The following FLT1 variants were observed in gnomAD, a reference collection of about 807,000 sequenced individuals.
FLT1 encodes the protein vascular endothelial growth factor receptor 1.
A neutral mutation model predicts 156.3 loss-of-function variants in FLT1; 49 were observed. The ratio of observed to expected loss-of-function variants is 0.31; its 90% confidence interval spans 0.25 to 0.40. The LOEUF (loss-of-function observed/expected upper bound fraction) is 0.40, where lower values mean the gene tolerates loss of function less well. FLT1 is among the 10% of genes least tolerant of loss of function. FLT1 has a pLI of 1.00. For missense variants in FLT1, 1,322 were observed against 1,637.2 expected (o/e 0.81, Z 3.32); for synonymous variants, 594 against 583.8 (o/e 1.02, Z -0.25).
At chr13:28,370,515 G>T (rs1873513475) in intron 14 of FLT1, among the ~76,000 whole-genome samples, 2 of 152,180 alleles carry the variant, frequency 1.3e-5, no homozygotes, top group African/African-American at 4.8e-5. Flanking sequence ...GCCTTGAAGA[G>T]GCTATAGTTA....
At chr13:28,414,707 G>A (rs1286197617) in intron 10 of FLT1, among the ~76,000 whole-genome samples, 3 of 152,170 alleles carry the variant, frequency 2.0e-5, no homozygotes, top group Admixed American at 1.3e-4. Flanking sequence ...GGGAAACAGT[G>A]GGTGAGCAAC....
intron 10 of FLT1, among the ~76,000 whole-genome samples, chr13:28,417,360 T>C (rs1417612805): frequency 6.6e-6 from 1 of 151,668 alleles, no homozygotes; most frequent in Non-Finnish European, 1.5e-5. Flanking sequence ...TCCATTTAAC[T>C]TTCCAAGATC....
chr13:28,393,618 G>A (rs556295258), intron 12 of FLT1, among the ~76,000 whole-genome samples: 32 of 152,200 alleles, frequency 2.1e-4, no homozygotes, highest in Non-Finnish European at 3.4e-4. Flanking sequence ...GCAGGCTCTC[G>A]CTCTGACACT....
chr13:28,329,944 G>A (rs1304704539), intron 18 of FLT1, among the ~76,000 whole-genome samples: 2 of 152,172 alleles, frequency 1.3e-5, no homozygotes, highest in East Asian at 3.8e-4. Context: ...GCACAGTAGT[G>A]GGGTTAGTCA....
rs758330992 is a variant in FLT1 at position 28,311,986 on chromosome 13, G to A, written c.3492+7C>T. 4 of 1,584,218 alleles carry A rather than the reference G, an allele frequency of 2.5e-6. No individual in the cohort carries two copies. The South Asian group carries it at 3.3e-5, about 13-fold the overall frequency. ...AGGCATTTTGATGTAAATAAATTTA[G>A]TTTTACCTGTTGTACATTTGCTTGA... On this transcript the variant is annotated splice_region_variant and intron_variant, in intron 26 of 29. Transcript: ENST00000282397.
At chr13:28,363,519 A>C (rs1210476343) in intron 14 of FLT1, among the ~76,000 whole-genome samples, 1 of 152,178 alleles carries the variant, frequency 6.6e-6, no homozygotes, top group Non-Finnish European at 1.5e-5. Flanking sequence ...AGAATACAGA[A>C]TATTATTTTG....
At chr13:28,382,503 GGT>G (rs1276250505) in intron 14 of FLT1, among the ~76,000 whole-genome samples, 1 of 152,174 alleles carries the variant, frequency 6.6e-6, no homozygotes, top group Non-Finnish European at 1.5e-5. Flanking sequence ...AGTTGGAGCC[GGT>G]GGAAGACTTG....
At chr13:28,482,844 TTC>T (rs1460185002) in intron 1 of FLT1, among the ~76,000 whole-genome samples, 1 of 152,256 alleles carries the variant, frequency 6.6e-6, no homozygotes, top group Non-Finnish European at 1.5e-5. Context: ...CCCATTTGCC[TTC>T]TAAGTGACTT....
At chr13:28,398,615 C>G (rs564628453) in intron 11 of FLT1, among the ~76,000 whole-genome samples, 1 of 152,316 alleles carries the variant, frequency 6.6e-6, no homozygotes, top group East Asian at 1.9e-4. Context: ...ACAGTGCTTT[C>G]TCTTCTGTTT....
At chr13:28,366,874 T>C (rs1873316351) in intron 14 of FLT1, among the ~76,000 whole-genome samples, 1 of 152,210 alleles carries the variant, frequency 6.6e-6, no homozygotes, top group Non-Finnish European at 1.5e-5. Context: ...AATTGCTGAC[T>C]TTCTTATCTG....
chr13:28,465,555 T>C (rs936520650), intron 3 of FLT1, among the ~76,000 whole-genome samples: 1 of 151,360 alleles, frequency 6.6e-6, no homozygotes, highest in Admixed American at 6.6e-5. Context: ...TTAAAAAAAA[T>C]CTCATGGCCA....
At chr13:28,432,074 T>C (rs958728921) in intron 6 of FLT1, among the ~76,000 whole-genome samples, 5 of 152,244 alleles carry the variant, frequency 3.3e-5, no homozygotes, top group Middle Eastern at 3.4e-3. Context: ...ACAGTCCTGC[T>C]CACTGTTTTG....
At chr13:28,382,606 A>C (rs1213779827) in intron 14 of FLT1, among the ~76,000 whole-genome samples, 1 of 152,194 alleles carries the variant, frequency 6.6e-6, no homozygotes. Flanking sequence ...TTTGGAGACC[A>C]CTGAAGGTGT....
chr13:28,368,234 C>T, intron 14 of FLT1: 1 of 292,026 alleles, frequency 3.4e-6, no homozygotes, highest in Non-Finnish European at 5.8e-6. Flanking sequence ...CTCCCTGCAA[C>T]CTCTGCCTCC....
intron 3 of FLT1, among the ~76,000 whole-genome samples, chr13:28,462,301 C>G (rs779550885): frequency 6.6e-6 from 1 of 152,208 alleles, no homozygotes; most frequent in Non-Finnish European, 1.5e-5. Context: ...AATCCTCTAA[C>G]TGTGAGAAAA....
At chr13:28,387,000 T>C in intron 13 of FLT1, 3 of 1,040,464 alleles carry the variant, frequency 2.9e-6, no homozygotes, top group Non-Finnish European at 3.5e-6. Context: ...ATTGTTTTTC[T>C]AGCTACAAAG....
intron 14 of FLT1, among the ~76,000 whole-genome samples, chr13:28,383,128 C>G (rs1458874676): frequency 1.3e-5 from 2 of 151,838 alleles, no homozygotes; most frequent in Non-Finnish European, 2.9e-5. Flanking sequence ...ATTTATGAAG[C>G]AGGCAATAGA....
intron 16 of FLT1, among the ~76,000 whole-genome samples, 178 bp downstream of exon 16, chr13:28,345,267 C>A (rs1872521890): frequency 6.6e-6 from 1 of 152,284 alleles, no homozygotes; most frequent in Admixed American, 6.5e-5. Context: ...AACACCCCCC[C>A]TTGTGGCTAG....
rs1877382968 is a variant in FLT1 at position 28,427,044 on chromosome 13, G to T, written c.1436+115C>A. Reference sequence around the variant, plus strand: ...TTTTTCCAAGGCAGGGAGAGCCTTTGCCTCAAATATACAGTACATCCCACA... The same window carrying T: ...TTTTTCCAAGGCAGGGAGAGCCTTTTCCTCAAATATACAGTACATCCCACA... On this transcript the variant is annotated intron_variant, in intron 10 of 29. Coordinates refer to ENST00000282397, the MANE Select transcript of FLT1 (RefSeq NM_002019.4). 3.1e-6 allele frequency: 3 copies of T among 982,452 alleles called. No individual in the cohort carries two copies. In the Admixed American group the frequency reaches 5.2e-5, roughly 17 times the overall value. The allele number at this position is 982,452 out of a possible 1,614,324, so 60.9% of individuals were successfully genotyped here.
Sources: allele counts gnomAD v4.1 joint callset (sites outside exome capture counted in the v4.1 genomes callset), GRCh38; gene constraint gnomAD v4.1.1; transcripts MANE v1.5; gene names NCBI Gene and HGNC (gene_info 2026-07-23, HGNC 2026-07-21).